LILRB5: variants seen among roughly 807,000 people sequenced by gnomAD.
LILRB5 encodes the protein leukocyte immunoglobulin-like receptor subfamily B member 5.
In LILRB5, 61 loss-of-function variants were observed where a neutral mutation model predicts 68.4. That is an observed-to-expected ratio of 0.89 (90% CI 0.73 to 1.10). LILRB5 has a LOEUF of 1.10. Ranked by LOEUF, LILRB5 falls within the 50% of genes least tolerant of loss-of-function variation. The pLI is 0.00. For synonymous variants in LILRB5, 356 were observed against 315.8 expected, an observed-to-expected ratio of 1.13 and a Z score of -1.35; for missense variants, 771 against 751.6, an observed-to-expected ratio of 1.03 and a Z score of -0.30.
chr19:54,256,529 G>A lies in LILRB5; in HGVS notation c.315C>T (p.Gly105=), dbSNP rs868558698. 3 of 1,614,140 alleles carry A rather than the reference G, an allele frequency of 1.9e-6. No individual in the cohort carries two copies. The highest frequency in any genetic ancestry group is 1.7e-6 in the Non-Finnish European group (2 of 1,180,004). The change falls in exon 3 of 13, where the codon GGC becomes GGT. Residue 105 remains glycine (G), a synonymous_variant. Coordinates refer to ENST00000449561, the MANE Select transcript of LILRB5 (RefSeq NM_001081442.3). The stretch of plus-strand genomic sequence containing the variant: ...CCAGGGGGTCACTGGGCTCTGACCA[G>A]CCTGCAGGGGTCTCATAGTAGCAGC... ...RYRCYYETPA[G]WSEPSDPLEL... is the part of the protein sequence containing the mutation.
Position 54,250,507 on chromosome 19 carries a change from T to G in LILRB5, c.*279A>C. The G allele has an allele frequency of 2.2e-6, 1 of 459,558 alleles. No homozygotes were observed. The highest frequency in any genetic ancestry group is 3.8e-6 in the Non-Finnish European group (1 of 260,862). 28.5% of individuals were successfully genotyped at this position (459,558 alleles called of 1,614,324 possible). A position where few individuals can be genotyped will look rare whatever the true frequency, so the allele number is the denominator to read the frequency against. On this transcript the variant is annotated 3_prime_UTR_variant, in exon 13 of 13. Transcript: ENST00000449561. ...CATCATTTAATGTGTAATATTTACA[T>G]TATCATTCCAAATTTATACCATGCT...
Position 54,250,877 on chromosome 19 carries a change from G to A in LILRB5, c.1685C>T (p.Thr562Ile). 2 of 1,613,266 alleles carry A rather than the reference G, an allele frequency of 1.2e-6. No homozygotes were observed. Among genetic ancestry groups the A allele is most frequent in the Non-Finnish European group, 1.7e-6 (2 of 1,179,890 alleles). The change falls in exon 13 of 13, where the codon ACC becomes ATC. Residue 562 changes from threonine (T) to isoleucine (I), a missense_variant. Transcript: ENST00000449561. ...DVTYAQLHSLTLRREATEPPP... is the reference protein window; with the variant it reads ...DVTYAQLHSLILRREATEPPP... ...AGGCTCAGTTGCCTCCCGTCTGAGG[G>A]TCAAGCTGTGCAGCTGGGCGTAGGT...
chr19:54,255,250 G>T (rs200458160), intron 5 of LILRB5, 36 bp downstream of exon 5: 5 of 1,606,268 alleles, frequency 3.1e-6, no homozygotes, highest in African/African-American at 1.3e-5. Context: ...CCTGTGCAGA[G>T]CCTGGGTCCC....
At position 54,249,597 on chromosome 19, in the gene LILRB5, G is replaced by GA. The variant is rs926075770; in HGVS notation, c.*1188dup. On this transcript the variant is annotated 3_prime_UTR_variant, in exon 13 of 13. Coordinates refer to ENST00000449561, the MANE Select transcript of LILRB5 (RefSeq NM_001081442.3). ...AAAGTACTTGGGAGAATAGAATGAG[G>GA]AGGGGGAATGTCCTATCTATTGTAG... is the stretch of plus-strand genomic sequence containing the variant. 6.6e-6 allele frequency: 1 copy of GA among 152,218 alleles called. No homozygotes were observed. The highest frequency in any genetic ancestry group is 2.4e-5 in the African/African-American group (1 of 41,444). 9.4% of individuals were successfully genotyped at this position (152,218 alleles called of 1,614,324 possible).
At chr19:54,251,558 G>T in intron 12 of LILRB5, 1 of 555,454 alleles carries the variant, frequency 1.8e-6, no homozygotes, top group South Asian at 1.7e-5. Flanking sequence ...CACACTCTCT[G>T]CCCTTTCCCT....
At position 54,255,447 on chromosome 19, in the gene LILRB5, A is replaced by G. The variant is rs760266316; in HGVS notation, c.791T>C (p.Val264Ala). ...VLYKEGEHDL[V>A]QGSGQQPQAG... ...CTGGGGCTGCTGGCCAGAGCCCTGG[A>G]CGAGGTCATGTTCCCCCTCCTTGTA... is the stretch of plus-strand genomic sequence containing the variant. Residue 264 changes from valine to alanine, a missense_variant, in exon 5 of 13, where the codon GTC becomes GCC. Physicochemically the swap from Val to Ala is moderately conservative, Grantham distance 64. Coordinates refer to ENST00000449561, the MANE Select transcript of LILRB5 (RefSeq NM_001081442.3). 1.6e-5 allele frequency: 26 copies of G among 1,614,034 alleles called. No homozygotes were observed. The highest frequency in any genetic ancestry group is 2.1e-5 in the Non-Finnish European group (25 of 1,179,938).
chr19:54,252,821 C>T, intron 9 of LILRB5, 50 bp downstream of exon 9: 2 of 1,509,182 alleles, frequency 1.3e-6, no homozygotes, highest in South Asian at 2.4e-5. Flanking sequence ...CTGGCTGGTG[C>T]CCCGAGCCCA....
rs2078924079 is a variant in LILRB5 at position 54,250,895 on chromosome 19, G to C, written c.1667C>G (p.Ala556Gly). The change falls in exon 13 of 13, where the codon GCC becomes GGC. Residue 556 changes from alanine (A) to glycine (G), a missense_variant. Ala to Gly is a moderately conservative substitution (Grantham distance 60). Transcript: ENST00000449561. ...TCTGAGGGTCAAGCTGTGCAGCTGG[G>C]CGTAGGTCACATCCTGGGGGGCTTC... ...ASEAPQDVTY[A>G]QLHSLTLRRE... 6.2e-7 allele frequency: 1 copy of C among 1,612,910 alleles called. No homozygotes were observed. Among genetic ancestry groups the C allele is most frequent in the Non-Finnish European group, 8.5e-7 (1 of 1,179,766 alleles).
intron 8 of LILRB5, chr19:54,253,611 A>G: frequency 2.0e-6 from 1 of 502,704 alleles, no homozygotes; most frequent in South Asian, 2.1e-5. Context: ...GGACTGAGCC[A>G]GTTTACAGCT....
Position 54,256,900 on chromosome 19 carries a change from G to A in LILRB5, c.70+61C>T, listed in dbSNP as rs556605958. On this transcript the variant is annotated intron_variant, in intron 2 of 12. Transcript: ENST00000449561. ...CAGCTATCTCCACCCCCAGCTGCCC[G>A]GGGTTGGGCCCTTGTCCCCAGTGAG... is the stretch of plus-strand genomic sequence containing the variant. 387 of 1,613,058 alleles carry A rather than the reference G, an allele frequency of 2.4e-4. 1 individual carries two copies. The highest frequency in any genetic ancestry group is 7.0e-4 in the Admixed American group (42 of 59,936).
rs3889745 is a variant in LILRB5 at position 54,252,277 on chromosome 19, C to T, written c.1576+89G>A. On this transcript the variant is annotated intron_variant, in intron 11 of 12. Coordinates refer to ENST00000449561, the MANE Select transcript of LILRB5 (RefSeq NM_001081442.3). ...ACCGCCTCCCCCTTGGCCCCAGACC[C>T]CCCCCAGCCTGTGCTCCTGCCCCCA... 1.3e-5 allele frequency: 20 copies of T among 1,499,758 alleles called. No homozygotes were observed. The East Asian group carries it at 3.9e-4, about 29-fold the overall frequency. The allele number at this position is 1,499,758 out of a possible 1,614,324, so 92.9% of individuals were successfully genotyped here.
At position 54,250,487 on chromosome 19, in the gene LILRB5, T is replaced by C. The variant is rs2078906881; in HGVS notation, c.*299A>G. 2.6e-6 allele frequency: 1 copy of C among 379,586 alleles called. No homozygotes were observed. Among genetic ancestry groups the C allele is most frequent in the Non-Finnish European group, 4.7e-6 (1 of 212,812 alleles). The allele number at this position is 379,586 out of a possible 1,614,324, so 23.5% of individuals were successfully genotyped here. ...CATTTGTAGTTTTCCGATTTCATCA[T>C]TTAATGTGTAATATTTACATTATCA... On this transcript the variant is annotated 3_prime_UTR_variant, in exon 13 of 13. Transcript: ENST00000449561.
intron 6 of LILRB5, 134 bp downstream of exon 6, chr19:54,254,601 T>C: frequency 7.9e-7 from 1 of 1,269,148 alleles, no homozygotes; most frequent in Non-Finnish European, 1.1e-6. Flanking sequence ...CTCTGAGGGG[T>C]GAGTCTCCCT....
At chr19:54,256,378 C>A in intron 3 of LILRB5, 36 bp from the exon 4 acceptor site, 3 of 1,587,004 alleles carry the variant, frequency 1.9e-6, no homozygotes, top group Non-Finnish European at 2.6e-6. Flanking sequence ...AGTGGGGCTC[C>A]GACCTCCCAC....
At chr19:54,256,414 A>G in intron 3 of LILRB5, 72 bp from the exon 4 acceptor site, 1 of 1,593,248 alleles carries the variant, frequency 6.3e-7, no homozygotes, top group Non-Finnish European at 8.6e-7. Flanking sequence ...GGGCTGTGAG[A>G]GGTAGACGTC....
At chr19:54,253,933 C>G (rs2079035817) in intron 8 of LILRB5, 85 bp downstream of exon 8, 6 of 1,550,522 alleles carry the variant, frequency 3.9e-6, no homozygotes, top group Non-Finnish European at 5.2e-6. Flanking sequence ...ACTTCACCAT[C>G]TCCAGAGGAG....
In LILRB5 at chr19:54,252,936, A is replaced by G; in HGVS notation, c.1409T>C (p.Leu470Pro). 1 of 1,584,214 alleles carries G rather than the reference A, an allele frequency of 6.3e-7. No individual in the cohort carries two copies. Among genetic ancestry groups the G allele is most frequent in the Non-Finnish European group, 8.6e-7 (1 of 1,161,146 alleles). The change falls in exon 9 of 13, where the codon CTG becomes CCG. Residue 470 changes from leucine (L) to proline (P), a missense_variant. Leu to Pro is a moderately conservative substitution (Grantham distance 98, BLOSUM62 -3). Coordinates refer to ENST00000449561, the MANE Select transcript of LILRB5 (RefSeq NM_001081442.3). ...VVTGVSVAFV[L>P]LLFLLLFLLL... is the part of the protein sequence containing the mutation. ...GAGGAAGAGGAGGAGGAACAGCAGCAGGACGAAGGCCACTGAGACCCCAGT... is the reference window on the plus strand; with the variant it reads ...GAGGAAGAGGAGGAGGAACAGCAGCGGGACGAAGGCCACTGAGACCCCAGT...
rs2078912812 is a variant in LILRB5 at position 54,250,706 on chromosome 19, G to A, written c.*80C>T. The A allele has an allele frequency of 1.9e-6, 3 of 1,575,240 alleles. No homozygotes were observed. Among genetic ancestry groups the A allele is most frequent in the Non-Finnish European group, 2.6e-6 (3 of 1,153,652 alleles). On this transcript the variant is annotated 3_prime_UTR_variant, in exon 13 of 13. Coordinates refer to ENST00000449561, the MANE Select transcript of LILRB5 (RefSeq NM_001081442.3). Reference sequence around the variant, plus strand: ...TCCAGGCTGGCTGGGGTTCATTGGTGTCCACTGGGGGCAGCTCCTGTGCCT... The same window carrying A: ...TCCAGGCTGGCTGGGGTTCATTGGTATCCACTGGGGGCAGCTCCTGTGCCT...
At chr19:54,256,922 T>A in intron 2 of LILRB5, 39 bp downstream of exon 2, 1 of 1,613,254 alleles carries the variant, frequency 6.2e-7, no homozygotes. Flanking sequence ...TTGTCCCCAG[T>A]GAGAAGAAGG....
Sources: allele counts gnomAD v4.1 joint callset, GRCh38; gene constraint gnomAD v4.1.1; transcripts MANE v1.5; gene names NCBI Gene and HGNC (gene_info 2026-07-23, HGNC 2026-07-21).